LAMA1: variants seen among roughly 807,000 people sequenced by gnomAD.
The protein encoded by LAMA1 is laminin subunit alpha-1.
A neutral mutation model predicts 348.7 loss-of-function variants in LAMA1; 219 were observed. That is an observed-to-expected ratio of 0.63 (90% CI 0.56 to 0.70). The LOEUF (loss-of-function observed/expected upper bound fraction) is 0.70. LAMA1 is among the 30% of genes least tolerant of loss of function. The pLI is 0.00. For synonymous variants in LAMA1, 1,487 were observed against 1,491.0 expected, an observed-to-expected ratio of 1.00 and a Z score of 0.06; for missense variants, 3,744 against 3,888.0, an observed-to-expected ratio of 0.96 and a Z score of 0.99.
Position 7,053,552 on chromosome 18 carries a change from T to TG in LAMA1, c.346-2617dup, listed in dbSNP as rs541251863. Among the ~76,000 whole-genome samples, 77 of 151,172 alleles carry TG rather than the reference T, an allele frequency of 5.1e-4. 1 individual carries two copies. The South Asian group carries it at 0.01, about 20-fold the overall frequency. On this transcript the variant is annotated intron_variant, in intron 3 of 62. Transcript: ENST00000389658. ...AAGCCAGAGTAATGAGGAAACAAAC[T>TG]GGGGGGAAAAAAAAATGAATGTAGA... is the stretch of plus-strand genomic sequence containing the variant.
At chr18:7,085,578 C>T (rs2143792373) in intron 1 of LAMA1, among the ~76,000 whole-genome samples, 1 of 151,968 alleles carries the variant, frequency 6.6e-6, no homozygotes, top group South Asian at 2.1e-4. Context: ...GCCACCAAGC[C>T]CGGCTAATTT....
rs917875498 is a variant in LAMA1 at position 7,005,899 on chromosome 18, A to G, written c.4260+1240T>C. 1.2e-4 allele frequency among the ~76,000 whole-genome samples: 18 copies of G among 152,320 alleles called. 1 individual carries two copies. The highest frequency in any genetic ancestry group is 4.3e-4 in the African/African-American group (18 of 41,576). ...AATTGTCAAAAAGAGGGAAAACCAG[A>G]ATCAAAATGTGGCGGGAGGCAGGTT... On this transcript the variant is annotated intron_variant, in intron 29 of 62. Coordinates refer to ENST00000389658, the MANE Select transcript of LAMA1 (RefSeq NM_005559.4).
intron 1 of LAMA1, 59 bp from the exon 2 acceptor site, chr18:7,080,516 C>T (rs2050127137): frequency 6.4e-7 from 1 of 1,557,342 alleles, no homozygotes; most frequent in Non-Finnish European, 8.8e-7. Flanking sequence ...AATGAGCTTA[C>T]CCCATCCCAC....
At chr18:7,035,100 G>A (rs1438462131) in intron 13 of LAMA1, among the ~76,000 whole-genome samples, 2 of 152,176 alleles carry the variant, frequency 1.3e-5, no homozygotes, top group Admixed American at 6.5e-5. Context: ...TCTGCAATTG[G>A]TCAGGCTGGA....
In LAMA1 at chr18:6,952,474, T is replaced by G. The variant is rs1474205698; in HGVS notation, c.8208-1503A>C. On this transcript the variant is annotated intron_variant, in intron 57 of 62. Transcript: ENST00000389658. The stretch of plus-strand genomic sequence containing the variant: ...GTGTGCGGGGGAATGTGACGTCTCC[T>G]GGGGGGTTCTGCTTTAGAAGTCAAA... Among the ~76,000 whole-genome samples, 3 of 152,014 alleles carry G rather than the reference T, an allele frequency of 2.0e-5. No homozygotes were observed. In the East Asian group the frequency reaches 5.8e-4, roughly 29 times the overall value.
intron 36 of LAMA1, 47 bp from the exon 37 acceptor site, chr18:6,986,394 C>G (rs1316096617): frequency 1.9e-6 from 3 of 1,570,290 alleles, no homozygotes; most frequent in Non-Finnish European, 2.6e-6. Context: ...AACAACAAAG[C>G]TCCTATCTCT....
rs3038921 is a variant in LAMA1 at position 7,100,058 on chromosome 18, CAAAAAA to C, written c.61+17596_61+17601del. On this transcript the variant is annotated intron_variant, in intron 1 of 62. Coordinates refer to ENST00000389658, the MANE Select transcript of LAMA1 (RefSeq NM_005559.4). Reference sequence around the variant, plus strand: ...TGGGCAACAGAGCCAGACTTTGTCTCAAAAAAAAAAAAAAAAAAAAAAAAGACAAGC... The same window carrying C: ...TGGGCAACAGAGCCAGACTTTGTCTCAAAAAAAAAAAAAAAAAAGACAAGC... Among the ~76,000 whole-genome samples, 117 of 79,650 alleles carry C rather than the reference CAAAAAA, an allele frequency of 1.5e-3. 1 individual carries two copies. Among genetic ancestry groups the C allele is most frequent in the East Asian group, 5.3e-3 (18 of 3,424 alleles). The allele number at this position is 79,650 out of a possible 152,430, so 52.3% of individuals were successfully genotyped here.
intron 14 of LAMA1, 66 bp downstream of exon 14, chr18:7,034,413 A>G (rs1568039801): frequency 1.7e-6 from 2 of 1,148,894 alleles, no homozygotes; most frequent in Non-Finnish European, 1.3e-6. Flanking sequence ...TTAAATATAT[A>G]TGAATAAACA....
chr18:7,060,303 G>A (rs1316548269), intron 3 of LAMA1, among the ~76,000 whole-genome samples: 1 of 152,142 alleles, frequency 6.6e-6, no homozygotes. Flanking sequence ...CTTCATAAAC[G>A]AGAAGAACAT....
intron 1 of LAMA1, among the ~76,000 whole-genome samples, chr18:7,094,931 G>A (rs557135551): frequency 6.3e-4 from 96 of 152,196 alleles, no homozygotes; most frequent in Non-Finnish European, 8.8e-4. Flanking sequence ...AACATTTTTC[G>A]AGAAATTGAA....
intron 19 of LAMA1, among the ~76,000 whole-genome samples, chr18:7,018,465 A>G (rs1346815875): frequency 2.4e-4 from 34 of 140,288 alleles, no homozygotes; most frequent in African/African-American, 7.5e-4. Flanking sequence ...GCGTGATCTC[A>G]GCTCACTGCA....
intron 1 of LAMA1, among the ~76,000 whole-genome samples, chr18:7,091,082 A>G (rs1430726442): frequency 2.6e-5 from 4 of 152,218 alleles, no homozygotes; most frequent in African/African-American, 9.6e-5. Flanking sequence ...TTAAATGCTC[A>G]TATTCAATGA....
chr18:7,072,354 C>A (rs2058149518), intron 3 of LAMA1, among the ~76,000 whole-genome samples: 1 of 152,144 alleles, frequency 6.6e-6, no homozygotes, highest in South Asian at 2.1e-4. Context: ...TACTCTACAT[C>A]CTTCAAGCTA....
intron 3 of LAMA1, among the ~76,000 whole-genome samples, chr18:7,054,739 A>AC (rs1359332803): frequency 6.6e-6 from 1 of 151,872 alleles, no homozygotes; most frequent in Non-Finnish European, 1.5e-5. Flanking sequence ...AGCAAAACCA[A>AC]CCCCTCTTCC....
intron 56 of LAMA1, chr18:6,956,052 A>G: frequency 6.7e-6 from 2 of 297,780 alleles, no homozygotes; most frequent in East Asian, 9.2e-5. Context: ...GCTTCAGCAC[A>G]GGCAGATGCT....
intron 36 of LAMA1, among the ~76,000 whole-genome samples, chr18:6,988,887 A>G (rs2057747027): frequency 6.7e-6 from 1 of 149,090 alleles, no homozygotes; most frequent in African/African-American, 2.5e-5. Context: ...AGCTACAAAC[A>G]ATAATCCGAA....
chr18:6,950,674 C>G, intron 58 of LAMA1, 108 bp downstream of exon 58: 1 of 1,266,514 alleles, frequency 7.9e-7, no homozygotes, highest in Non-Finnish European at 1.1e-6. Context: ...ACACACACGG[C>G]GAGATAGAGA....
At chr18:7,114,886 A>T (rs2058349643) in intron 1 of LAMA1, among the ~76,000 whole-genome samples, 1 of 152,236 alleles carries the variant, frequency 6.6e-6, no homozygotes, top group Non-Finnish European at 1.5e-5. Context: ...TGCAATTATA[A>T]AGCAGTGGCA....
At chr18:6,959,654 T>A (rs978114013) in intron 53 of LAMA1, 162 bp from the exon 54 acceptor site, 33 of 737,694 alleles carry the variant, frequency 4.5e-5, no homozygotes, top group Non-Finnish European at 6.3e-5. Context: ...TGTATGTTAC[T>A]TTCTAATCTC....
Sources: allele counts gnomAD v4.1 joint callset (sites outside exome capture counted in the v4.1 genomes callset), GRCh38; gene constraint gnomAD v4.1.1; transcripts MANE v1.5; gene names NCBI Gene and HGNC (gene_info 2026-07-23, HGNC 2026-07-21).